The following AUTS2 variants were observed in gnomAD, a reference collection of about 807,000 sequenced individuals.
The protein encoded by AUTS2 is activator of transcription and developmental regulator AUTS2.
A neutral mutation model predicts 112.4 loss-of-function variants in AUTS2; 17 were observed. The ratio of observed to expected loss-of-function variants is 0.15; its 90% CI spans 0.10 to 0.23. AUTS2 has a LOEUF of 0.23. Ranked by LOEUF, AUTS2 falls within the 10% of genes least tolerant of loss-of-function variation. The pLI is 1.00. For missense variants in AUTS2, 1,510 were observed against 1,701.6 expected (o/e 0.89, Z 1.98); for synonymous variants, 751 against 702.7 (o/e 1.07, Z -1.09).
At chr7:70,579,527 G>A (rs1802341150) in intron 5 of AUTS2, among the ~76,000 whole-genome samples, 1 of 152,068 alleles carries the variant, frequency 6.6e-6, no homozygotes, top group African/African-American at 2.4e-5. Context: ...TGGCAATCTT[G>A]TTCACATATT....
chr7:69,945,837 G>A (rs1377090514), intron 2 of AUTS2, among the ~76,000 whole-genome samples: 1 of 151,958 alleles, frequency 6.6e-6, no homozygotes, highest in African/African-American at 2.4e-5. Context: ...GTTTTTATGA[G>A]TTGGATTTTT....
chr7:70,079,131 G>A (rs572034890), intron 2 of AUTS2, among the ~76,000 whole-genome samples: 5 of 152,200 alleles, frequency 3.3e-5, no homozygotes, highest in Non-Finnish European at 5.9e-5. Flanking sequence ...TGTGGACTGC[G>A]TATCTTTATG....
chr7:69,642,741 C>T (rs1314993417), intron 1 of AUTS2, among the ~76,000 whole-genome samples: 1 of 152,180 alleles, frequency 6.6e-6, no homozygotes, highest in Admixed American at 6.5e-5. Flanking sequence ...AATATACCCA[C>T]CCCTTCCCTC....
At chr7:69,710,693 T>C (rs1798279322) in intron 1 of AUTS2, among the ~76,000 whole-genome samples, 1 of 152,240 alleles carries the variant, frequency 6.6e-6, no homozygotes, top group Non-Finnish European at 1.5e-5. Flanking sequence ...CATTCCCTTA[T>C]CTTTAAGAAG....
At chr7:69,883,384 T>C (rs1035247864) in intron 1 of AUTS2, among the ~76,000 whole-genome samples, 4 of 152,088 alleles carry the variant, frequency 2.6e-5, no homozygotes. Context: ...GCTGTAAGGT[T>C]AGATAACTGC....
At chr7:70,462,174 C>T (rs756087667) in intron 5 of AUTS2, among the ~76,000 whole-genome samples, 5 of 152,088 alleles carry the variant, frequency 3.3e-5, no homozygotes, top group Admixed American at 6.5e-5. Context: ...ATCACTTGAA[C>T]CTGGATGGCG....
At chr7:70,716,636 C>CA (rs34972760) in intron 6 of AUTS2, among the ~76,000 whole-genome samples, 3,263 of 64,728 alleles carry the variant, frequency 0.05, 659 homozygotes, top group African/African-American at 0.17. Flanking sequence ...GACTCCGTCT[C>CA]AAAAAAAAAA....
chr7:70,317,748 G>A (rs1288984433), intron 4 of AUTS2, among the ~76,000 whole-genome samples: 1 of 152,188 alleles, frequency 6.6e-6, no homozygotes, highest in Non-Finnish European at 1.5e-5. Flanking sequence ...GCATGGCCCT[G>A]CCTTCAAGGT....
At chr7:69,651,183 C>T (rs1008503731) in intron 1 of AUTS2, among the ~76,000 whole-genome samples, 7 of 152,170 alleles carry the variant, frequency 4.6e-5, no homozygotes, top group African/African-American at 1.4e-4. Flanking sequence ...GTGTGAGGAA[C>T]GGGGTGTGAA....
chr7:70,314,280 G>T (rs1340415046), intron 4 of AUTS2, among the ~76,000 whole-genome samples: 1 of 152,198 alleles, frequency 6.6e-6, no homozygotes, highest in Non-Finnish European at 1.5e-5. Flanking sequence ...ACACTAGGCA[G>T]CCCCCATTTT....
intron 1 of AUTS2, among the ~76,000 whole-genome samples, chr7:69,715,675 A>G (rs1223189267): frequency 6.6e-6 from 1 of 152,214 alleles, no homozygotes; most frequent in East Asian, 1.9e-4. Flanking sequence ...AATGAGAGCA[A>G]GGGATGGTCA....
At chr7:70,165,963 G>T (rs1193976555) in intron 4 of AUTS2, among the ~76,000 whole-genome samples, 6 of 152,124 alleles carry the variant, frequency 3.9e-5, no homozygotes, top group Non-Finnish European at 7.3e-5. Flanking sequence ...TCATGATAGC[G>T]AGTGAGTTCT....
chr7:69,747,600 C>T (rs955804546), intron 1 of AUTS2, among the ~76,000 whole-genome samples: 1 of 152,142 alleles, frequency 6.6e-6, no homozygotes. Flanking sequence ...TTCATGATCA[C>T]GCAACTAGAA....
chr7:69,981,628 C>A (rs138184151), intron 2 of AUTS2, among the ~76,000 whole-genome samples: 65 of 152,226 alleles, frequency 4.3e-4, no homozygotes, highest in African/African-American at 1.5e-3. Context: ...ACACTATCAG[C>A]GCTTAAGAGT....
intron 2 of AUTS2, among the ~76,000 whole-genome samples, chr7:70,084,865 G>T (rs545747895): frequency 1.3e-5 from 2 of 151,916 alleles, no homozygotes; most frequent in Non-Finnish European, 2.9e-5. Context: ...TTTCAAGGTT[G>T]TTTTTTAATT....
rs959819212 is a variant in AUTS2 at position 70,516,270 on chromosome 7, C to A, written c.690+80489C>A. On this transcript the variant is annotated intron_variant, in intron 5 of 18. Transcript: ENST00000342771. Reference sequence around the variant, plus strand: ...GAGTCTCTGCAGATAGAAGCTGCCCCCCTCCTCCTTCCACACACCCGCACC... The same window carrying A: ...GAGTCTCTGCAGATAGAAGCTGCCCACCTCCTCCTTCCACACACCCGCACC... Among the ~76,000 whole-genome samples the A allele has an allele frequency of 2.6e-5, 4 of 152,084 alleles. No homozygotes were observed. In the East Asian group the frequency reaches 7.7e-4, roughly 29 times the overall value.
intron 2 of AUTS2, among the ~76,000 whole-genome samples, chr7:70,072,601 T>G (rs1017070001): frequency 1.7e-4 from 26 of 152,202 alleles, no homozygotes; most frequent in African/African-American, 6.0e-4. Flanking sequence ...GTAGAGAGGA[T>G]TCTATCTTTC....
At chr7:70,743,487 A>C (rs1029044629) in intron 6 of AUTS2, among the ~76,000 whole-genome samples, 3 of 151,758 alleles carry the variant, frequency 2.0e-5, no homozygotes, top group African/African-American at 4.8e-5. Context: ...AAAAAAAAAA[A>C]AAAAAACTAG....
chr7:70,214,663 G>A (rs897104129), intron 4 of AUTS2, among the ~76,000 whole-genome samples: 8 of 152,112 alleles, frequency 5.3e-5, no homozygotes, highest in African/African-American at 9.7e-5. Context: ...TATGTGTAGC[G>A]TGTCACTAGT....
Sources: gnomAD v4.1 joint callset for allele counts (sites outside exome capture counted in the v4.1 genomes callset) on GRCh38, gnomAD v4.1.1 for gene constraint, MANE v1.5 for transcripts, NCBI Gene and HGNC (gene_info 2026-07-23, HGNC 2026-07-21) for gene names.